Variants in ANAPC1 observed in about 807,000 individuals in gnomAD.
ANAPC1 encodes the protein anaphase promoting complex subunit 1.
A neutral mutation model predicts 208.0 loss-of-function variants in ANAPC1; 36 were observed. The ratio of observed to expected loss-of-function variants is 0.17; its 90% CI spans 0.13 to 0.23. The LOEUF is 0.23. ANAPC1 is among the 10% of genes least tolerant of loss of function. The pLI is 1.00. For missense variants in ANAPC1, 942 were observed against 2,011.6 expected, an observed-to-expected ratio of 0.47 and a Z score of 10.17; for synonymous variants, 378 against 695.2, an observed-to-expected ratio of 0.54 and a Z score of 7.18.
chr2:111,863,708 C>T lies in ANAPC1; in HGVS notation c.1019G>A (p.Arg340His), dbSNP rs761594514. 2.5e-6 allele frequency: 4 copies of T among 1,613,654 alleles called. No individual in the cohort carries two copies. The highest frequency in any genetic ancestry group is 1.7e-5 in the Admixed American group (1 of 59,968). ...TGCCATGTTGGAAATAGAAGGTGAGCGAGAATGTAGACTGGGTGATGAGGT... is the reference window on the plus strand; with the variant it reads ...TGCCATGTTGGAAATAGAAGGTGAGTGAGAATGTAGACTGGGTGATGAGGT... ...RSTSSPSLHS[R>H]SPSISNMAAL... The change falls in exon 9 of 48, where the codon CGC becomes CAC. Residue 340 changes from arginine (R) to histidine (H), a missense_variant. Transcript: ENST00000341068.
At chr2:111,865,627 G>T (rs1244664216) in intron 7 of ANAPC1, among the ~76,000 whole-genome samples, 7 of 151,836 alleles carry the variant, frequency 4.6e-5, no homozygotes, top group Admixed American at 6.6e-5. Flanking sequence ...AGAATTTTTG[G>T]TTTTTTTCAT....
chr2:111,824,702 G>C (rs1198866070), intron 24 of ANAPC1, among the ~76,000 whole-genome samples: 1 of 152,156 alleles, frequency 6.6e-6, no homozygotes, highest in Non-Finnish European at 1.5e-5. Context: ...TCAGAGACCA[G>C]CTTACATAGC....
At chr2:111,828,414 A>G (rs1392047734) in intron 21 of ANAPC1, among the ~76,000 whole-genome samples, 1 of 152,240 alleles carries the variant, frequency 6.6e-6, no homozygotes, top group South Asian at 2.1e-4. Context: ...ACTACCTACC[A>G]TATGACCCAA....
chr2:111,836,903 G>C (rs1263854935), intron 18 of ANAPC1, among the ~76,000 whole-genome samples: 2 of 151,912 alleles, frequency 1.3e-5, no homozygotes, highest in African/African-American at 4.8e-5. Context: ...GGGAGTCAGA[G>C]GTTGCAGTGA....
At chr2:111,847,312 A>G in intron 15 of ANAPC1, 114 bp from the exon 16 acceptor site, 1 of 659,158 alleles carries the variant, frequency 1.5e-6, no homozygotes, top group South Asian at 2.4e-5. Context: ...TAAATGAAAA[A>G]CAATTTTCAA....
chr2:111,766,632 G>C (rs1450726108), downstream of ANAPC1: 3 of 283,816 alleles, frequency 1.1e-5, no homozygotes, highest in Admixed American at 4.6e-5. Flanking sequence ...CCACAGAAGA[G>C]AGGCCTTCAA....
intron 13 of ANAPC1, among the ~76,000 whole-genome samples, chr2:111,852,873 C>T (rs1681482502): frequency 6.6e-6 from 1 of 151,934 alleles, no homozygotes; most frequent in Admixed American, 6.6e-5. Flanking sequence ...TGTAATATCC[C>T]AGCACTTTGG....
At chr2:111,807,390 A>G (rs1678734089) in intron 29 of ANAPC1, among the ~76,000 whole-genome samples, 1 of 151,676 alleles carries the variant, frequency 6.6e-6, no homozygotes, top group Non-Finnish European at 1.5e-5. Flanking sequence ...TATAACAATG[A>G]TCTATAAAAA....
At chr2:111,792,977 C>T (rs1159639974) in intron 37 of ANAPC1, among the ~76,000 whole-genome samples, 2 of 152,188 alleles carry the variant, frequency 1.3e-5, no homozygotes, top group East Asian at 1.9e-4. Context: ...TCTGTAAATA[C>T]AAATATTTTC....
intron 16 of ANAPC1, among the ~76,000 whole-genome samples, chr2:111,846,429 A>T (rs896571997): frequency 6.3e-5 from 7 of 110,896 alleles, no homozygotes; most frequent in African/African-American, 2.0e-4. Context: ...TCATTAATAC[A>T]TTACAGAAAA....
chr2:111,845,856 T>C (rs1009485282), intron 16 of ANAPC1, among the ~76,000 whole-genome samples: 2 of 150,692 alleles, frequency 1.3e-5, no homozygotes, highest in African/African-American at 4.9e-5. Context: ...GCACCTGTAG[T>C]CCCAGCTACT....
Position 111,850,889 on chromosome 2 carries a change from C to T in ANAPC1, c.1537G>A (p.Gly513Arg), listed in dbSNP as rs1362942152. 6 of 1,600,942 alleles carry T rather than the reference C, an allele frequency of 3.7e-6. No individual in the cohort carries two copies. Among genetic ancestry groups the T allele is most frequent in the Non-Finnish European group, 5.1e-6 (6 of 1,177,208 alleles). The change falls in exon 14 of 48, where the codon GGA becomes AGA. Residue 513 changes from glycine to arginine, a missense_variant. By Grantham distance (125) the Gly-to-Arg change is moderately radical. Transcript: ENST00000341068. ...VVRVGKVFIPGLPAPSLTMSN... is the reference protein window; with the variant it reads ...VVRVGKVFIPRLPAPSLTMSN... The stretch of plus-strand genomic sequence containing the variant: ...ATCGTCAGAGAGGGAGCTGGCAGTC[C>T]AGGAATAAAAACCTTTCCCACCTTT...
chr2:111,853,768 G>C (rs1265505721), intron 13 of ANAPC1, among the ~76,000 whole-genome samples: 1 of 151,844 alleles, frequency 6.6e-6, no homozygotes. Flanking sequence ...CCAGGCTGGA[G>C]TGCAGTGGCG....
chr2:111,829,760 T>C (rs1463909739), intron 21 of ANAPC1, among the ~76,000 whole-genome samples: 1 of 152,116 alleles, frequency 6.6e-6, no homozygotes, highest in African/African-American at 2.4e-5. Context: ...TTTGTAGCTA[T>C]AGACAAGCTG....
chr2:111,774,184 C>T (rs569292291), intron 46 of ANAPC1, among the ~76,000 whole-genome samples: 6 of 151,646 alleles, frequency 4.0e-5, no homozygotes, highest in Non-Finnish European at 8.8e-5. Flanking sequence ...AGGATGACTT[C>T]CAAAAGGGTC....
chr2:111,808,299 A>G (rs905841397), intron 29 of ANAPC1, among the ~76,000 whole-genome samples: 1 of 152,316 alleles, frequency 6.6e-6, no homozygotes, highest in African/African-American at 2.4e-5. Flanking sequence ...AATAGGACAT[A>G]TAAGTATGTA....
Position 111,850,028 on chromosome 2 carries a change from T to C in ANAPC1, c.1650+748A>G, listed in dbSNP as rs13389239. Among the ~76,000 whole-genome samples the C allele has an allele frequency of 4.6e-5, 7 of 152,242 alleles. No homozygotes were observed. In the South Asian group the frequency reaches 1.5e-3, roughly 32 times the overall value. ...ATCTCATTTGTAAAAAAAAGAATCA[T>C]AGTACTATCTTCTCAATAAAGCTAT... is the stretch of plus-strand genomic sequence containing the variant. On this transcript the variant is annotated intron_variant, in intron 14 of 47. Transcript: ENST00000341068.
rs2311836 is a variant in ANAPC1 at position 111,880,122 on chromosome 2, G to C, written c.213+491C>G. 2.0e-5 allele frequency among the ~76,000 whole-genome samples: 3 copies of C among 151,764 alleles called. No individual in the cohort carries two copies. The South Asian group carries it at 6.3e-4, about 32-fold the overall frequency. ...GGCACAGTGGCTCACGCCTGTAAACGCAGCACTTTGGGAGGCCGAGGCGGG... is the reference window on the plus strand; with the variant it reads ...GGCACAGTGGCTCACGCCTGTAAACCCAGCACTTTGGGAGGCCGAGGCGGG... On this transcript the variant is annotated intron_variant, in intron 2 of 47. Coordinates refer to ENST00000341068, the MANE Select transcript of ANAPC1 (RefSeq NM_022662.4).
At chr2:111,873,761 T>C (rs1469449769) in intron 3 of ANAPC1, 97 bp from the exon 4 acceptor site, 1 of 1,357,090 alleles carries the variant, frequency 7.4e-7, no homozygotes, top group Non-Finnish European at 9.8e-7. Context: ...ATCTACGTAA[T>C]AACTTTGCCT....
Sources: gnomAD v4.1 joint callset for allele counts (sites outside exome capture counted in the v4.1 genomes callset) on GRCh38, gnomAD v4.1.1 for gene constraint, MANE v1.5 for transcripts, NCBI Gene and HGNC (gene_info 2026-07-23, HGNC 2026-07-21) for gene names.